Variants in FGF12 observed in about 807,000 individuals in gnomAD.
FGF12 encodes the protein fibroblast growth factor 12B.
FGF12 carries 14 observed loss-of-function variants against 23.6 expected under a neutral mutation model. That is an observed-to-expected ratio of 0.59 (90% confidence interval 0.39 to 0.93). The LOEUF (loss-of-function observed/expected upper bound fraction) is 0.93. Among genes scored for constraint, FGF12 ranks in the 40% least tolerant of loss-of-function variants. The pLI is 0.00. For synonymous variants in FGF12, 62 were observed against 77.3 expected (o/e 0.80, Z 1.04); for missense variants, 175 against 217.8 (o/e 0.80, Z 1.24).
chr3:192,148,224 A>G (rs905789589), intron 5 of FGF12, among the ~76,000 whole-genome samples: 1 of 152,230 alleles, frequency 6.6e-6, no homozygotes, highest in Non-Finnish European at 1.5e-5. Context: ...GTCCATTGAC[A>G]AATGAATGGG....
In FGF12 at chr3:192,147,469, T is replaced by C. The variant is rs780723835; in HGVS notation, c.428-3342A>G. Among the ~76,000 whole-genome samples, 5 of 152,200 alleles carry C rather than the reference T, an allele frequency of 3.3e-5. No individual in the cohort carries two copies. The East Asian group carries it at 9.7e-4, about 29-fold the overall frequency. ...GTACATGGTAAATAATGAAACAAAA[T>C]TAAGGAAGGAAACAAGGCGTAAGTG... On this transcript the variant is annotated intron_variant, in intron 5 of 5. Transcript: ENST00000445105.
chr3:192,704,399 A>T (rs1390212860), intron 2 of FGF12, among the ~76,000 whole-genome samples: 1 of 152,206 alleles, frequency 6.6e-6, no homozygotes, highest in African/African-American at 2.4e-5. Flanking sequence ...TTGGATGACC[A>T]GGTGCATTGT....
chr3:192,537,602 A>C (rs1725254985), intron 2 of FGF12, among the ~76,000 whole-genome samples: 1 of 152,184 alleles, frequency 6.6e-6, no homozygotes. Flanking sequence ...CTTTTGAGAA[A>C]TGTCTATTCA....
chr3:192,309,991 T>C (rs1577341640), intron 4 of FGF12, among the ~76,000 whole-genome samples: 1 of 152,186 alleles, frequency 6.6e-6, no homozygotes, highest in African/African-American at 2.4e-5. Flanking sequence ...GAAGTAGATA[T>C]AGAATATTTA....
intron 2 of FGF12, among the ~76,000 whole-genome samples, chr3:192,381,259 G>A (rs1052121784): frequency 6.6e-6 from 1 of 152,128 alleles, no homozygotes; most frequent in African/African-American, 2.4e-5. Context: ...TGAAGACTTT[G>A]TTAATACTGA....
intron 2 of FGF12, among the ~76,000 whole-genome samples, chr3:192,611,296 T>C (rs922381204): frequency 1.3e-5 from 2 of 152,058 alleles, no homozygotes; most frequent in African/African-American, 4.8e-5. Context: ...TGGCTACTTA[T>C]TGGAATTATT....
At chr3:192,378,593 C>A (rs1363083494) in intron 2 of FGF12, among the ~76,000 whole-genome samples, 1 of 152,118 alleles carries the variant, frequency 6.6e-6, no homozygotes, top group Non-Finnish European at 1.5e-5. Flanking sequence ...GCAAACAGCT[C>A]TTCAAGAATA....
intron 5 of FGF12, among the ~76,000 whole-genome samples, chr3:192,168,329 T>C (rs766625476): frequency 1.4e-4 from 22 of 152,188 alleles, no homozygotes; most frequent in Non-Finnish European, 2.4e-4. Flanking sequence ...TATTACTTAC[T>C]TCTCAGGTAC....
intron 2 of FGF12, among the ~76,000 whole-genome samples, chr3:192,516,114 A>T (rs751358913): frequency 2.0e-5 from 3 of 147,944 alleles, no homozygotes; most frequent in Non-Finnish European, 4.4e-5. Flanking sequence ...TAAAGATAGC[A>T]TCTGTCTCAC....
At chr3:192,563,100 A>G (rs573959782) in intron 2 of FGF12, among the ~76,000 whole-genome samples, 2 of 152,376 alleles carry the variant, frequency 1.3e-5, no homozygotes, top group African/African-American at 4.8e-5. Flanking sequence ...AAAGAAGATT[A>G]GACTTTTTTA....
chr3:192,270,308 C>T (rs541490653), intron 4 of FGF12, among the ~76,000 whole-genome samples: 3 of 152,236 alleles, frequency 2.0e-5, no homozygotes, highest in Non-Finnish European at 4.4e-5. Context: ...ATTTCCTGCA[C>T]CTTAGTTGGT....
chr3:192,622,495 G>A lies in FGF12; in HGVS notation c.13+104686C>T, dbSNP rs373145842. On this transcript the variant is annotated intron_variant, in intron 2 of 5. Transcript: ENST00000445105. ...GAAAAGGAGGGGTCAGGGACCACCA[G>A]TCAGTGGGAGTCACTGTGGAGTTCA... Among the ~76,000 whole-genome samples the A allele has an allele frequency of 7.9e-5, 12 of 152,264 alleles. No homozygotes were observed. The South Asian group carries it at 2.3e-3, about 29-fold the overall frequency.
chr3:192,659,125 A>G (rs555125401), intron 2 of FGF12, among the ~76,000 whole-genome samples: 31 of 152,180 alleles, frequency 2.0e-4, no homozygotes, highest in Non-Finnish European at 4.0e-4. Context: ...GAGCTCAACA[A>G]TGGACATCAT....
chr3:192,158,350 C>CTTTCTTTCTTTCTTTCTTTCTTTCTT (rs1714576464), intron 5 of FGF12, among the ~76,000 whole-genome samples: 4 of 96,292 alleles, frequency 4.2e-5, no homozygotes, highest in Admixed American at 2.2e-4. Context: ...TTCTTTCTTT[C>CTTTCTTTCTTTCTTTCTTTCTTTCTT]TTTCTTTCTT....
intron 2 of FGF12, among the ~76,000 whole-genome samples, chr3:192,577,007 G>A (rs952733061): frequency 3.3e-5 from 5 of 152,138 alleles, no homozygotes; most frequent in African/African-American, 1.2e-4. Context: ...ATTGAACAAT[G>A]AGAACACCGG....
intron 2 of FGF12, among the ~76,000 whole-genome samples, chr3:192,682,278 T>C (rs1717558428): frequency 6.6e-6 from 1 of 151,906 alleles, no homozygotes; most frequent in Admixed American, 6.6e-5. Context: ...ACACAGCTGG[T>C]GCACACACAG....
At chr3:192,615,239 C>CA (rs1714713250) in intron 2 of FGF12, among the ~76,000 whole-genome samples, 1 of 151,824 alleles carries the variant, frequency 6.6e-6, no homozygotes, top group South Asian at 2.1e-4. Context: ...AGTGTTATGC[C>CA]AAGATAAACA....
chr3:192,681,897 A>G (rs1717542585), intron 2 of FGF12, among the ~76,000 whole-genome samples: 1 of 152,142 alleles, frequency 6.6e-6, no homozygotes, highest in African/African-American at 2.4e-5. Flanking sequence ...TTTTTTAAAA[A>G]TTTGTGCCCC....
chr3:192,459,838 A>AGTGTGT (rs35153893), intron 2 of FGF12, among the ~76,000 whole-genome samples: 7 of 150,390 alleles, frequency 4.7e-5, no homozygotes, highest in African/African-American at 1.5e-4. Context: ...ATGTATGTTT[A>AGTGTGT]GTGTGTGTGT....
Sources: allele counts gnomAD v4.1 joint callset (sites outside exome capture counted in the v4.1 genomes callset), GRCh38; gene constraint gnomAD v4.1.1; transcripts MANE v1.5; gene names NCBI Gene and HGNC (gene_info 2026-07-23, HGNC 2026-07-21).